The following CSMD1 variants were observed in gnomAD, a reference collection of about 807,000 sequenced individuals.
CSMD1 encodes the protein CUB and Sushi multiple domains 1, also known as CUB and sushi domain-containing protein 1.
In CSMD1, 213 loss-of-function variants were observed where a neutral mutation model predicts 417.5. That is an observed-to-expected ratio of 0.51 (90% CI 0.46 to 0.57). CSMD1 has a LOEUF of 0.57. CSMD1 is among the 20% of genes least tolerant of loss of function. CSMD1 has a pLI of 0.00. For missense variants in CSMD1, 6,923 were observed against 4,529.7 expected (o/e 1.53, Z -15.17); for synonymous variants, 2,862 against 1,736.8 (o/e 1.65, Z -16.11).
chr8:3,346,665 A>C (rs1808020227), intron 22 of CSMD1, among the ~76,000 whole-genome samples: 3 of 152,180 alleles, frequency 2.0e-5, no homozygotes, highest in Non-Finnish European at 4.4e-5. Flanking sequence ...CATAACTTCT[A>C]ATGAGGTCAA....
chr8:4,712,271 T>G (rs904596077), intron 1 of CSMD1, among the ~76,000 whole-genome samples: 1 of 152,180 alleles, frequency 6.6e-6, no homozygotes, highest in African/African-American at 2.4e-5. Flanking sequence ...AGGATACATG[T>G]AGGTGAGAGT....
At chr8:3,010,316 T>C (rs756449809) in intron 52 of CSMD1, among the ~76,000 whole-genome samples, 4 of 152,232 alleles carry the variant, frequency 2.6e-5, no homozygotes, top group Non-Finnish European at 4.4e-5. Context: ...TTCGTACCTA[T>C]GCACTTCCCC....
chr8:4,444,627 A>C (rs947637016), intron 2 of CSMD1, among the ~76,000 whole-genome samples: 3 of 152,166 alleles, frequency 2.0e-5, no homozygotes, highest in Non-Finnish European at 2.9e-5. Context: ...TGCCATCTGT[A>C]AACATGGTTA....
chr8:4,465,666 T>C (rs147003124), intron 2 of CSMD1, among the ~76,000 whole-genome samples: 60 of 152,242 alleles, frequency 3.9e-4, no homozygotes, highest in Middle Eastern at 3.4e-3. Flanking sequence ...ACTGGAGAGA[T>C]GAAATTCACT....
chr8:4,128,285 T>C (rs896180267), intron 3 of CSMD1, among the ~76,000 whole-genome samples: 1 of 152,170 alleles, frequency 6.6e-6, no homozygotes, highest in Non-Finnish European at 1.5e-5. Flanking sequence ...AAGAATGATC[T>C]GAGAAGACTC....
intron 3 of CSMD1, among the ~76,000 whole-genome samples, chr8:4,404,665 T>C (rs1804885435): frequency 6.6e-6 from 1 of 152,082 alleles, no homozygotes; most frequent in African/African-American, 2.4e-5. Flanking sequence ...AATATTTATC[T>C]TACACTATAT....
At chr8:4,847,416 A>T (rs1465870936) in intron 1 of CSMD1, among the ~76,000 whole-genome samples, 2 of 152,174 alleles carry the variant, frequency 1.3e-5, no homozygotes, top group Non-Finnish European at 2.9e-5. Context: ...TAAAATTTCA[A>T]ACACTTTTGG....
At chr8:2,982,633 G>C (rs572482917) in intron 54 of CSMD1, among the ~76,000 whole-genome samples, 1 of 152,170 alleles carries the variant, frequency 6.6e-6, no homozygotes, top group Non-Finnish European at 1.5e-5. Context: ...CAAAGCACCC[G>C]CACTATGACC....
intron 1 of CSMD1, among the ~76,000 whole-genome samples, chr8:4,705,997 T>C (rs1256657870): frequency 6.6e-6 from 1 of 151,674 alleles, no homozygotes; most frequent in South Asian, 2.1e-4. Context: ...TGAACTGTAA[T>C]TTTTTTCAAT....
intron 51 of CSMD1, 29 bp from the exon 52 acceptor site, chr8:3,018,679 C>G: frequency 1.9e-6 from 3 of 1,576,116 alleles, no homozygotes; most frequent in African/African-American, 1.8e-5. Context: ...AAATGAACAT[C>G]AATTCAGTTA....
In CSMD1 at chr8:4,591,749, T is replaced by C. The variant is rs139903388; in HGVS notation, c.302+45593A>G. On this transcript the variant is annotated intron_variant, in intron 2 of 69. Transcript: ENST00000635120. ...GTTTTAAAGCAGTGAAGTGAGGGGATAGGATCTGTTTTGGAAATACTTAGC... is the reference window on the plus strand; with the variant it reads ...GTTTTAAAGCAGTGAAGTGAGGGGACAGGATCTGTTTTGGAAATACTTAGC... 4.6e-4 allele frequency among the ~76,000 whole-genome samples: 70 copies of C among 152,064 alleles called. 1 individual carries two copies. The East Asian group carries it at 0.012, about 27-fold the overall frequency.
chr8:2,957,736 A>T lies in CSMD1; in HGVS notation c.9774T>A (p.Leu3258=), dbSNP rs1425790745. The T allele has an allele frequency of 5.0e-6, 8 of 1,599,598 alleles. No individual in the cohort carries two copies. The highest frequency in any genetic ancestry group is 5.1e-6 in the Non-Finnish European group (6 of 1,172,338). The stretch of plus-strand genomic sequence containing the variant: ...GTATCCCACTCCATGTTAAATTGGC[A>T]AGGCAGGTGCGAGTCGTGGAACCTT... ...HIQGSTTRTC[L]ANLTWSGIQT... The change falls in exon 63 of 70, where the codon CTT becomes CTA. Residue 3258 remains leucine (L), a synonymous_variant. Transcript: ENST00000635120.
At chr8:3,267,125 A>C (rs546089430) in intron 26 of CSMD1, among the ~76,000 whole-genome samples, 3 of 152,202 alleles carry the variant, frequency 2.0e-5, no homozygotes, top group African/African-American at 7.2e-5. Flanking sequence ...GCTTCCACCC[A>C]GAGGTCGTCC....
At chr8:3,739,706 G>A (rs1350020757) in intron 6 of CSMD1, among the ~76,000 whole-genome samples, 1 of 151,922 alleles carries the variant, frequency 6.6e-6, no homozygotes, top group African/African-American at 2.4e-5. Context: ...TGGCATAATG[G>A]GTATTATAAG....
At chr8:3,643,438 C>T (rs1325045107) in intron 7 of CSMD1, among the ~76,000 whole-genome samples, 4 of 151,914 alleles carry the variant, frequency 2.6e-5, no homozygotes, top group Non-Finnish European at 4.4e-5. Flanking sequence ...CGCCGTGGCT[C>T]ACGCCTGTAA....
At chr8:2,993,501 C>A (rs1258192591) in intron 54 of CSMD1, among the ~76,000 whole-genome samples, 1 of 152,128 alleles carries the variant, frequency 6.6e-6, no homozygotes. Flanking sequence ...TCAGCGTCTC[C>A]CAGATGCCAA....
At chr8:3,951,221 G>C (rs1481201307) in intron 5 of CSMD1, among the ~76,000 whole-genome samples, 2 of 152,162 alleles carry the variant, frequency 1.3e-5, no homozygotes, top group Non-Finnish European at 2.9e-5. Flanking sequence ...TGTGGGGACT[G>C]CACAGGCGGG....
chr8:4,176,343 A>C (rs955684184), intron 3 of CSMD1, among the ~76,000 whole-genome samples: 17 of 152,112 alleles, frequency 1.1e-4, no homozygotes, highest in African/African-American at 2.7e-4. Context: ...TTTTAAATTG[A>C]AAATAAATTA....
intron 49 of CSMD1, among the ~76,000 whole-genome samples, chr8:3,078,356 T>G (rs571289539): frequency 5.9e-5 from 9 of 152,198 alleles, no homozygotes; most frequent in Non-Finnish European, 1.2e-4. Context: ...GTGCTAAGCA[T>G]GGACAGAGGA....
Sources: gnomAD v4.1 joint callset for allele counts (sites outside exome capture counted in the v4.1 genomes callset) on GRCh38, gnomAD v4.1.1 for gene constraint, MANE v1.5 for transcripts, NCBI Gene and HGNC (gene_info 2026-07-23, HGNC 2026-07-21) for gene names.